Variants in CACNA1B observed in about 807,000 individuals in gnomAD.
CACNA1B encodes the protein calcium voltage-gated channel subunit alpha1 B.
In CACNA1B, 70 loss-of-function variants were observed where a neutral mutation model predicts 247.2. The observed-to-expected ratio is 0.28, with a 90% CI of 0.23 to 0.35. The LOEUF (loss-of-function observed/expected upper bound fraction) is 0.35. Among genes scored for constraint, CACNA1B ranks in the 10% least tolerant of loss-of-function variants. The pLI, the probability that CACNA1B is intolerant of heterozygous loss-of-function variation, is 1.00. For missense variants in CACNA1B, 2,367 were observed against 3,197.4 expected, an observed-to-expected ratio of 0.74 and a Z score of 6.26; for synonymous variants, 1,231 against 1,294.4, an observed-to-expected ratio of 0.95 and a Z score of 1.05.
intron 10 of CACNA1B, among the ~76,000 whole-genome samples, chr9:137,970,958 C>A (rs1250890345): frequency 6.6e-6 from 1 of 152,048 alleles, no homozygotes; most frequent in Non-Finnish European, 1.5e-5. Flanking sequence ...GTCCGGAGGG[C>A]GAGAGAGGGA....
At chr9:138,099,619 G>A (rs560925558) in intron 37 of CACNA1B, among the ~76,000 whole-genome samples, 1 of 150,054 alleles carries the variant, frequency 6.7e-6, no homozygotes, top group African/African-American at 2.5e-5. Context: ...TGGTGTACTC[G>A]TGCCTGTGGT....
At position 137,917,305 on chromosome 9, in the gene CACNA1B, C is replaced by T. The variant is rs745873154; in HGVS notation, c.840C>T (p.Asp280=). Residue 280 remains aspartate, a synonymous_variant, in exon 6 of 47, where the codon GAC becomes GAT. Coordinates refer to ENST00000371372, the MANE Select transcript of CACNA1B (RefSeq NM_000718.4). This position sits in a 1 kb window ranked among gnomAD's most constrained non-coding sequence, Gnocchi z 5.5. ...CCCCAGCCCGGCTGTGCGAGGGCGACACTGAGTGCCGGGAGTACTGGCCAG... is the reference window on the plus strand; with the variant it reads ...CCCCAGCCCGGCTGTGCGAGGGCGATACTGAGTGCCGGGAGTACTGGCCAG... ...KEAPARLCEG[D]TECREYWPGP... 2 of 1,614,006 alleles carry T rather than the reference C, an allele frequency of 1.2e-6. No homozygotes were observed. The highest frequency in any genetic ancestry group is 3.3e-5 in the Admixed American group (2 of 60,028).
intron 38 of CACNA1B, among the ~76,000 whole-genome samples, chr9:138,104,600 C>T (rs1313156037): frequency 6.6e-6 from 1 of 152,248 alleles, no homozygotes; most frequent in African/African-American, 2.4e-5. Context: ...GGCTTGCATC[C>T]ACACCCCACT....
chr9:138,081,633 A>G (rs956565366), intron 36 of CACNA1B, among the ~76,000 whole-genome samples: 3 of 151,168 alleles, frequency 2.0e-5, no homozygotes, highest in Non-Finnish European at 4.4e-5. Flanking sequence ...GTCAGGCACT[A>G]TGCAGGGTCT....
At chr9:137,981,981 C>T (rs1316119008) in intron 12 of CACNA1B, among the ~76,000 whole-genome samples, 2 of 152,186 alleles carry the variant, frequency 1.3e-5, no homozygotes, top group Admixed American at 6.5e-5. Context: ...GCTCAGTGTC[C>T]ATCCTCTGGT....
In CACNA1B at chr9:138,078,123, G is replaced by A. The variant is rs150165282; in HGVS notation, c.4959G>A (p.Thr1653=). 709 of 1,613,674 alleles carry A rather than the reference G, an allele frequency of 4.4e-4. 2 individuals carry two copies. The African/African-American group carries it at 6.7e-3, about 15-fold the overall frequency. ...CTGCCCTTCTTCTCAGGAGCGCCAC[G>A]GGGGAGGCCTGGCACGAGATCATGC... is the stretch of plus-strand genomic sequence containing the variant. ...QALMLLFRSA[T]GEAWHEIMLS... The change falls in exon 36 of 47, where the codon ACG becomes ACA. Residue 1653 remains threonine (T), a synonymous_variant. Coordinates refer to ENST00000371372, the MANE Select transcript of CACNA1B (RefSeq NM_000718.4).
intron 31 of CACNA1B, among the ~76,000 whole-genome samples, chr9:138,065,862 A>G (rs753399493): frequency 6.6e-6 from 1 of 152,008 alleles, no homozygotes. Context: ...CCCTTTACAG[A>G]TTTGCCCAAG....
rs963010299 is a variant in CACNA1B at position 138,124,465 on chromosome 9, C to G, written c.*2466C>G. 6.7e-6 allele frequency: 1 copy of G among 150,028 alleles called. No individual in the cohort carries two copies. The highest frequency in any genetic ancestry group is 2.1e-4 in the South Asian group (1 of 4,778). 9.3% of individuals were successfully genotyped at this position (150,028 alleles called of 1,614,324 possible). ...CCCAACCATGCAACACAACTGGGAC[C>G]TACTTAAAAAGAAATTCTGTGATTG... On this transcript the variant is annotated 3_prime_UTR_variant, in exon 47 of 47. Transcript: ENST00000371372.
intron 3 of CACNA1B, among the ~76,000 whole-genome samples, chr9:137,895,538 T>G (rs746789372): frequency 3.3e-5 from 5 of 152,238 alleles, no homozygotes; most frequent in Non-Finnish European, 7.3e-5. Flanking sequence ...TTTTGCAGTT[T>G]TAGGGATACA....
intron 38 of CACNA1B, among the ~76,000 whole-genome samples, chr9:138,103,058 A>G (rs1961306808): frequency 6.6e-6 from 1 of 151,848 alleles, no homozygotes; most frequent in Non-Finnish European, 1.5e-5. Flanking sequence ...GCCCCCTTTG[A>G]GAGCCCCCTG....
In CACNA1B at chr9:137,885,010, G is replaced by A. The variant is rs142397066; in HGVS notation, c.530+2127G>A. 8.0e-3 allele frequency among the ~76,000 whole-genome samples: 825 copies of A among 102,920 alleles called. 12 individuals carry two copies. The highest frequency in any genetic ancestry group is 0.03 in the African/African-American group (768 of 25,234). 67.5% of individuals were successfully genotyped at this position (102,920 alleles called of 152,430 possible). A position where few individuals can be genotyped will look rare whatever the true frequency, so the allele number is the denominator to read the frequency against. On this transcript the variant is annotated intron_variant, in intron 3 of 46. Coordinates refer to ENST00000371372, the MANE Select transcript of CACNA1B (RefSeq NM_000718.4). ...GTCTAGCCCTTTGTCTCCTCTCCAC[G>A]CTCTCTGTCTCTGGCCCTCTTGGTG...
chr9:138,109,619 G>A (rs182650815), intron 39 of CACNA1B, among the ~76,000 whole-genome samples: 97 of 152,286 alleles, frequency 6.4e-4, no homozygotes, highest in Admixed American at 2.4e-3. Context: ...TACAGGCCCC[G>A]TCACCAAATA....
At chr9:137,997,034 A>G (rs1958509059) in intron 15 of CACNA1B, among the ~76,000 whole-genome samples, 1 of 152,236 alleles carries the variant, frequency 6.6e-6, no homozygotes, top group Non-Finnish European at 1.5e-5. Context: ...TAGAAAACCT[A>G]TGAATGTAAT....
chr9:137,923,368 T>C (rs1270242957), intron 6 of CACNA1B, among the ~76,000 whole-genome samples: 2 of 148,610 alleles, frequency 1.3e-5, no homozygotes, highest in Admixed American at 1.3e-4. Context: ...TGGCTCCAGG[T>C]GGTATTCCGT....
At chr9:137,890,523 C>T (rs1417493760) in intron 3 of CACNA1B, 1 of 150,352 alleles carries the variant, frequency 6.7e-6, no homozygotes, top group Non-Finnish European at 1.5e-5. Flanking sequence ...AGCCAGGGCC[C>T]TTCCCCCCAG....
chr9:137,897,017 T>C (rs1458972028), intron 3 of CACNA1B, among the ~76,000 whole-genome samples: 9 of 152,192 alleles, frequency 5.9e-5, no homozygotes. Context: ...TGTTCCTGTG[T>C]GTGTGGGGCT....
At chr9:138,091,711 C>G (rs1448814036) in intron 36 of CACNA1B, among the ~76,000 whole-genome samples, 1 of 151,508 alleles carries the variant, frequency 6.6e-6, no homozygotes, top group African/African-American at 2.4e-5. Context: ...ATAATGAAAG[C>G]AAAACAAAAA....
Position 138,059,522 on chromosome 9 carries a change from T to TG in CACNA1B, c.4585-130dup, listed in dbSNP as rs1395263863. 4.5e-6 allele frequency: 3 copies of TG among 671,898 alleles called. No homozygotes were observed. The highest frequency in any genetic ancestry group is 8.0e-6 in the Non-Finnish European group (3 of 372,960). 41.6% of individuals were successfully genotyped at this position (671,898 alleles called of 1,614,324 possible). ...TGGCCTTGTGCTGTGCCCCCTGGGG[T>TG]GGCCTGTCTGCCCTGTGCTCAGGGT... On this transcript the variant is annotated intron_variant, in intron 30 of 46. Transcript: ENST00000371372. The surrounding 1 kb of genome is among the most constrained non-coding windows in gnomAD (Gnocchi z 4.2).
rs1050768986 is a variant in CACNA1B, at chr9:138,057,350, C to T, written c.3969-382C>T. ...CTGTGGATTTGTCTCTTTACGTTCT[C>T]GGCGTCCTCTGAGCACAGAAGTGTC... On this transcript the variant is annotated intron_variant, in intron 26 of 46. Transcript: ENST00000371372. The surrounding 1 kb of genome is among the most constrained non-coding windows in gnomAD (Gnocchi z 4.0). 2.6e-5 allele frequency among the ~76,000 whole-genome samples: 4 copies of T among 152,284 alleles called. 1 individual carries two copies. Among genetic ancestry groups the T allele is most frequent in the South Asian group, 2.1e-4 (1 of 4,826 alleles).
Sources: allele counts gnomAD v4.1 joint callset (sites outside exome capture counted in the v4.1 genomes callset), GRCh38; gene constraint gnomAD v4.1.1; non-coding constraint Gnocchi (gnomAD v3.1); transcripts MANE v1.5; gene names NCBI Gene and HGNC (gene_info 2026-07-23, HGNC 2026-07-21).